The following CFDP1 variants were observed in gnomAD, a reference collection of about 807,000 sequenced individuals.
The protein encoded by CFDP1 is heterochromatin-stabilizing protein CFDP1.
CFDP1 carries 31 observed loss-of-function variants against 40.1 expected under a neutral mutation model. That is an observed-to-expected ratio of 0.77 (90% CI 0.58 to 1.04). The LOEUF (loss-of-function observed/expected upper bound fraction) is 1.04, where lower values mean the gene tolerates loss of function less well. CFDP1 is among the 50% of genes least tolerant of loss of function. The pLI, the probability that CFDP1 is intolerant of heterozygous loss-of-function variation, is 0.00. For synonymous variants in CFDP1, 167 were observed against 120.0 expected (o/e 1.39, Z -2.56); for missense variants, 423 against 343.4 (o/e 1.23, Z -1.83).
At chr16:75,402,231 C>T (rs2079061950) in intron 4 of CFDP1, among the ~76,000 whole-genome samples, 1 of 152,180 alleles carries the variant, frequency 6.6e-6, no homozygotes, top group African/African-American at 2.4e-5. Flanking sequence ...GGAACTCTGA[C>T]AGGAAAAGGC....
At chr16:75,426,182 C>T (rs1298822161) in intron 1 of CFDP1, among the ~76,000 whole-genome samples, 1 of 151,012 alleles carries the variant, frequency 6.6e-6, no homozygotes, top group Non-Finnish European at 1.5e-5. Flanking sequence ...GAAACCCTGT[C>T]TCTACTAAAA....
intron 1 of CFDP1, among the ~76,000 whole-genome samples, chr16:75,423,736 G>A (rs537248188): frequency 5.9e-5 from 9 of 152,244 alleles, no homozygotes; most frequent in African/African-American, 1.7e-4. Context: ...GGATGGTCTC[G>A]ATCTCCTGAC....
intron 5 of CFDP1, among the ~76,000 whole-genome samples, chr16:75,349,650 C>A (rs1171907280): frequency 4.3e-5 from 1 of 23,242 alleles, no homozygotes; most frequent in Non-Finnish European, 8.4e-5. Flanking sequence ...GACTCCGTCT[C>A]AAAAAAAAAA....
intron 4 of CFDP1, among the ~76,000 whole-genome samples, chr16:75,408,168 C>T (rs940538283): frequency 1.3e-5 from 2 of 151,882 alleles, no homozygotes; most frequent in East Asian, 1.9e-4. Flanking sequence ...AGAGAAAGAA[C>T]GCACGCACAG....
At chr16:75,324,412 A>G (rs2078388996) in intron 5 of CFDP1, among the ~76,000 whole-genome samples, 1 of 152,124 alleles carries the variant, frequency 6.6e-6, no homozygotes. Flanking sequence ...TGTTATGAAA[A>G]AAACTCACTC....
At chr16:75,332,581 C>T (rs1224778998) in intron 5 of CFDP1, among the ~76,000 whole-genome samples, 1 of 151,750 alleles carries the variant, frequency 6.6e-6, no homozygotes, top group Non-Finnish European at 1.5e-5. Flanking sequence ...GTGGGAGTAT[C>T]CTTTAAGCCC....
intron 5 of CFDP1, among the ~76,000 whole-genome samples, chr16:75,313,398 C>T (rs184187562): frequency 1.3e-5 from 2 of 152,150 alleles, no homozygotes; most frequent in Non-Finnish European, 1.5e-5. Flanking sequence ...GGCGTGGTCT[C>T]GGCTCACTAC....
chr16:75,372,197 A>C (rs2078757252), intron 5 of CFDP1: 3 of 152,256 alleles, frequency 2.0e-5, no homozygotes, highest in Admixed American at 2.0e-4. Context: ...TAAGAAGTCC[A>C]AAGTAATAGC....
intron 4 of CFDP1, among the ~76,000 whole-genome samples, chr16:75,410,056 A>C (rs1219748294): frequency 6.6e-4 from 1 of 1,516 alleles, no homozygotes; most frequent in Non-Finnish European, 2.5e-3. Flanking sequence ...ACCCTTTCTC[A>C]AAAAAAAAAA....
chr16:75,433,227 C>A, intron 1 of CFDP1, 62 bp downstream of exon 1: 2 of 1,488,506 alleles, frequency 1.3e-6, no homozygotes, highest in Admixed American at 1.9e-5. Flanking sequence ...GGGGGCAGAG[C>A]GCGCCTCACG....
At chr16:75,351,865 A>C (rs985584991) in intron 5 of CFDP1, among the ~76,000 whole-genome samples, 2 of 151,672 alleles carry the variant, frequency 1.3e-5, no homozygotes, top group Middle Eastern at 3.4e-3. Flanking sequence ...AAAATTAGCC[A>C]GGTGTGGTGG....
rs1212423251 is a variant in CFDP1, at chr16:75,384,130, AG to A, written c.650+10959del. On this transcript the variant is annotated intron_variant, in intron 5 of 6. Transcript: ENST00000283882. The stretch of plus-strand genomic sequence containing the variant: ...GTAATCCTAGCACTTTGTGAGGCTG[AG>A]GTGGGCAGATCACCTGAGGTCAGGA... 2.0e-4 allele frequency among the ~76,000 whole-genome samples: 30 copies of A among 152,304 alleles called. 1 individual carries two copies. The East Asian group carries it at 3.3e-3, about 17-fold the overall frequency.
At chr16:75,303,400 A>AATAAATGTATGT (rs745774792) in intron 6 of CFDP1, among the ~76,000 whole-genome samples, 2 of 146,246 alleles carry the variant, frequency 1.4e-5, no homozygotes, top group African/African-American at 5.1e-5. Flanking sequence ...TAAATAAATA[A>AATAAATGTATGT]ATGTATGTAT....
At chr16:75,348,447 TAA>T (rs959281752) in intron 5 of CFDP1, among the ~76,000 whole-genome samples, 10 of 152,166 alleles carry the variant, frequency 6.6e-5, no homozygotes, top group Admixed American at 2.0e-4. Context: ...TTAAAAACAA[TAA>T]ACAAAAAAAT....
intron 5 of CFDP1, chr16:75,321,755 A>G (rs1025230694): frequency 2.6e-5 from 4 of 152,210 alleles, no homozygotes; most frequent in Non-Finnish European, 5.9e-5. Context: ...ATCCAGAAGA[A>G]ACAACACATC....
intron 5 of CFDP1, among the ~76,000 whole-genome samples, chr16:75,384,561 A>G (rs2078877140): frequency 6.6e-6 from 1 of 152,136 alleles, no homozygotes; most frequent in Non-Finnish European, 1.5e-5. Flanking sequence ...AGAATTTAAG[A>G]TGCACATACC....
At chr16:75,414,786 C>T (rs1468395389) in intron 1 of CFDP1, 91 bp from the exon 2 acceptor site, 2 of 812,916 alleles carry the variant, frequency 2.5e-6, no homozygotes, top group South Asian at 1.6e-5. Flanking sequence ...CACACCGAGA[C>T]ATTTTCATTA....
chr16:75,307,774 G>C (rs1261127238), intron 5 of CFDP1, among the ~76,000 whole-genome samples: 1 of 152,050 alleles, frequency 6.6e-6, no homozygotes, highest in Non-Finnish European at 1.5e-5. Flanking sequence ...GCCCAAGGCT[G>C]GTATCAAACT....
At chr16:75,333,689 G>C (rs1216518046) in intron 5 of CFDP1, among the ~76,000 whole-genome samples, 1 of 152,176 alleles carries the variant, frequency 6.6e-6, no homozygotes, top group Middle Eastern at 3.2e-3. Context: ...AGCCAACGGT[G>C]ATCCCAGGAA....
Sources: gnomAD v4.1 joint callset for allele counts (sites outside exome capture counted in the v4.1 genomes callset) on GRCh38, gnomAD v4.1.1 for gene constraint, MANE v1.5 for transcripts, NCBI Gene and HGNC (gene_info 2026-07-23, HGNC 2026-07-21) for gene names.